Variants in CNIH3 observed in about 807,000 individuals in gnomAD.
The protein encoded by CNIH3 is protein cornichon homolog 3.
A neutral mutation model predicts 24.1 loss-of-function variants in CNIH3; 14 were observed. That is an observed-to-expected ratio of 0.58 (90% CI 0.38 to 0.91). The LOEUF is 0.91. Ranked by LOEUF, CNIH3 falls within the 40% of genes least tolerant of loss-of-function variation. The pLI is 0.00. For synonymous variants in CNIH3, 68 were observed against 73.8 expected, an observed-to-expected ratio of 0.92 and a Z score of 0.40; for missense variants, 178 against 196.8, an observed-to-expected ratio of 0.90 and a Z score of 0.57.
intron 1 of CNIH3, among the ~76,000 whole-genome samples, chr1:224,664,333 G>A (rs1428651618): frequency 1.3e-5 from 2 of 152,124 alleles, no homozygotes; most frequent in African/African-American, 4.8e-5. Context: ...ATTTCCATGT[G>A]TATTCAAAAA....
At chr1:224,667,159 G>T (rs1685635751) in intron 1 of CNIH3, among the ~76,000 whole-genome samples, 1 of 152,186 alleles carries the variant, frequency 6.6e-6, no homozygotes, top group Non-Finnish European at 1.5e-5. Flanking sequence ...ACCTGGCACA[G>T]TCCCAGATAC....
intron 4 of CNIH3, among the ~76,000 whole-genome samples, chr1:224,568,194 G>A (rs1680665822): frequency 6.6e-6 from 1 of 152,112 alleles, no homozygotes; most frequent in Admixed American, 6.5e-5. Context: ...GGAGGCTGAG[G>A]GAGGAGAATT....
At chr1:224,532,875 C>T (rs1679128998) in intron 2 of CNIH3, among the ~76,000 whole-genome samples, 1 of 152,118 alleles carries the variant, frequency 6.6e-6, no homozygotes, top group African/African-American at 2.4e-5. Flanking sequence ...CCATTGCAAC[C>T]ACCTTGTGAG....
At chr1:224,619,979 A>C (rs1010041805) in intron 1 of CNIH3, among the ~76,000 whole-genome samples, 1 of 152,256 alleles carries the variant, frequency 6.6e-6, no homozygotes, top group African/African-American at 2.4e-5. Flanking sequence ...AGGATCTCTC[A>C]GTCCAATCGT....
intron 1 of CNIH3, among the ~76,000 whole-genome samples, chr1:224,451,826 C>T (rs1476569815): frequency 2.6e-5 from 4 of 152,080 alleles, no homozygotes; most frequent in East Asian, 3.8e-4. Flanking sequence ...AGTGGTGACC[C>T]GATGACTTCT....
In CNIH3 at chr1:224,569,219, C is replaced by T. The variant is rs186292317; in HGVS notation, n.516+2955C>T. Reference sequence around the variant, plus strand: ...TTTTACATTTTGCTATATTCCAAAACGACATGTTGTTTAGTTTTGAATGTT... The same window carrying T: ...TTTTACATTTTGCTATATTCCAAAATGACATGTTGTTTAGTTTTGAATGTT... On this transcript the variant is annotated intron_variant and non_coding_transcript_variant, in intron 4 of 5. Coordinates refer to the CNIH3 transcript ENST00000471578. Among the ~76,000 whole-genome samples, 18 of 152,240 alleles carry T rather than the reference C, an allele frequency of 1.2e-4. No homozygotes were observed. In the South Asian group the frequency reaches 1.7e-3, roughly 14 times the overall value.
intron 3 of CNIH3, among the ~76,000 whole-genome samples, chr1:224,554,047 G>T (rs543180696): frequency 6.6e-6 from 1 of 152,060 alleles, no homozygotes; most frequent in Non-Finnish European, 1.5e-5. Flanking sequence ...CCACCACAAG[G>T]GTGCTGGAAA....
chr1:224,574,639 A>G, intron 4 of CNIH3: 1 of 890,496 alleles, frequency 1.1e-6, no homozygotes, highest in Non-Finnish European at 1.9e-6. Flanking sequence ...CAGGTGGTGA[A>G]GTGTGAGGAG....
chr1:224,499,888 A>C (rs1174046860), intron 1 of CNIH3, among the ~76,000 whole-genome samples: 1 of 149,378 alleles, frequency 6.7e-6, no homozygotes, highest in Non-Finnish European at 1.5e-5. Context: ...ACATAGCGAC[A>C]TCCTATCTCT....
intron 1 of CNIH3, among the ~76,000 whole-genome samples, chr1:224,470,427 G>A (rs1558087959): frequency 1.3e-5 from 2 of 150,978 alleles, no homozygotes; most frequent in Non-Finnish European, 2.9e-5. Flanking sequence ...TGGTTCTCCT[G>A]CCTCATCCTC....
intron 3 of CNIH3, among the ~76,000 whole-genome samples, chr1:224,597,253 C>CA (rs1375821407): frequency 1.3e-5 from 2 of 152,068 alleles, no homozygotes; most frequent in Non-Finnish European, 2.9e-5. Flanking sequence ...TCACCTGCTC[C>CA]TTTTTTACTT....
At chr1:224,671,215 C>G (rs1444742777) in intron 1 of CNIH3, among the ~76,000 whole-genome samples, 1 of 152,234 alleles carries the variant, frequency 6.6e-6, no homozygotes. Flanking sequence ...GGTTCTGTTT[C>G]TCTAGGGAAC....
chr1:224,534,344 T>C (rs556820600), intron 2 of CNIH3, among the ~76,000 whole-genome samples: 98 of 152,230 alleles, frequency 6.4e-4, no homozygotes, highest in African/African-American at 1.9e-3. Context: ...TCTGGTGGAG[T>C]CTGGAAAATG....
chr1:224,592,102 T>C (rs116177958), downstream of CNIH3, among the ~76,000 whole-genome samples: 1,458 of 152,142 alleles, frequency 9.6e-3, 29 homozygotes, highest in African/African-American at 0.033. Context: ...CTTCATTCCA[T>C]GTGTCTGTAT....
At chr1:224,460,097 G>A (rs1463287892) in intron 1 of CNIH3, among the ~76,000 whole-genome samples, 4 of 151,886 alleles carry the variant, frequency 2.6e-5, no homozygotes, top group South Asian at 2.1e-4. Flanking sequence ...GGCTGCTCTC[G>A]AACTCCTGAG....
chr1:224,702,737 G>A (rs1687569165), intron 3 of CNIH3, among the ~76,000 whole-genome samples: 2 of 152,188 alleles, frequency 1.3e-5, no homozygotes, highest in South Asian at 4.1e-4. Context: ...CACAGACCGT[G>A]GTGTTTTCAA....
intron 3 of CNIH3, among the ~76,000 whole-genome samples, chr1:224,687,123 C>T (rs529214057): frequency 1.3e-5 from 2 of 152,326 alleles, no homozygotes; most frequent in African/African-American, 2.4e-5. Context: ...GTTGTGGCTG[C>T]GTGATCACAC....
At chr1:224,635,930 T>C (rs528351655) in intron 1 of CNIH3, among the ~76,000 whole-genome samples, 2 of 152,256 alleles carry the variant, frequency 1.3e-5, no homozygotes, top group East Asian at 3.9e-4. Context: ...CCCACGTTGA[T>C]CTTGAACTCC....
At chr1:224,661,735 G>A (rs1255497763) in intron 1 of CNIH3, 6 of 197,334 alleles carry the variant, frequency 3.0e-5, no homozygotes, top group Admixed American at 1.1e-4. Flanking sequence ...AGCACCTCAC[G>A]TCTCGGCTAC....
Sources: gnomAD v4.1 joint callset for allele counts (sites outside exome capture counted in the v4.1 genomes callset) on GRCh38, gnomAD v4.1.1 for gene constraint, MANE v1.5 for transcripts, NCBI Gene and HGNC (gene_info 2026-07-23, HGNC 2026-07-21) for gene names.